The following DCC variants were observed in gnomAD, a reference collection of about 807,000 sequenced individuals.
DCC encodes the protein netrin receptor DCC.
DCC carries 58 observed loss-of-function variants against 172.5 expected under a neutral mutation model. The observed-to-expected ratio is 0.34, with a 90% CI of 0.27 to 0.42. The LOEUF is 0.42. Among genes scored for constraint, DCC ranks in the 10% least tolerant of loss-of-function variants. DCC has a pLI of 1.00. For synonymous variants in DCC, 709 were observed against 644.5 expected (o/e 1.10, Z -1.52); for missense variants, 1,740 against 1,791.0 (o/e 0.97, Z 0.51).
intron 1 of DCC, among the ~76,000 whole-genome samples, chr18:52,563,301 A>C (rs1400730541): frequency 6.6e-6 from 1 of 152,170 alleles, no homozygotes; most frequent in Non-Finnish European, 1.5e-5. Flanking sequence ...CATAGGTATT[A>C]GAAGAAATAA....
At chr18:53,334,758 A>G (rs1161099664) in intron 14 of DCC, among the ~76,000 whole-genome samples, 1 of 152,222 alleles carries the variant, frequency 6.6e-6, no homozygotes, top group Non-Finnish European at 1.5e-5. Context: ...TGTCTCAAAA[A>G]TTCAATTGTT....
intron 2 of DCC, among the ~76,000 whole-genome samples, chr18:52,766,185 C>G (rs879922198): frequency 6.6e-6 from 1 of 152,168 alleles, no homozygotes; most frequent in African/African-American, 2.4e-5. Flanking sequence ...AGCGCACAAG[C>G]GAGCAGGTAC....
chr18:53,212,929 C>G (rs1353824359), intron 11 of DCC, among the ~76,000 whole-genome samples: 1 of 152,106 alleles, frequency 6.6e-6, no homozygotes, highest in Admixed American at 6.5e-5. Flanking sequence ...CCCTCGGGCT[C>G]CCAAAGTGCT....
intron 1 of DCC, among the ~76,000 whole-genome samples, chr18:52,403,841 C>T (rs1986533636): frequency 6.6e-6 from 1 of 152,016 alleles, no homozygotes; most frequent in African/African-American, 2.4e-5. Flanking sequence ...CTCTTAAAAG[C>T]AGGCCTTCTT....
intron 2 of DCC, among the ~76,000 whole-genome samples, chr18:52,827,402 T>C (rs1019735055): frequency 1.8e-4 from 27 of 152,218 alleles, no homozygotes; most frequent in African/African-American, 6.5e-4. Flanking sequence ...CTAGCATTAA[T>C]TTGTGAATTT....
At chr18:53,109,469 T>C (rs763319130) in intron 7 of DCC, among the ~76,000 whole-genome samples, 2 of 151,620 alleles carry the variant, frequency 1.3e-5, no homozygotes, top group African/African-American at 2.4e-5. Flanking sequence ...TTGCCAATCT[T>C]GTATTAGATT....
intron 1 of DCC, among the ~76,000 whole-genome samples, chr18:52,388,799 T>A (rs1273148823): frequency 6.6e-6 from 1 of 152,062 alleles, no homozygotes; most frequent in Non-Finnish European, 1.5e-5. Context: ...TTTCCAGGCA[T>A]GGTCAGGTCA....
At chr18:53,340,977 C>T (rs564308221) in intron 15 of DCC, among the ~76,000 whole-genome samples, 37 of 152,264 alleles carry the variant, frequency 2.4e-4, no homozygotes, top group Admixed American at 3.3e-4. Flanking sequence ...TTGCACTGAC[C>T]CATTCTCTCT....
chr18:53,507,199 A>G (rs1311660313), intron 27 of DCC, among the ~76,000 whole-genome samples: 4 of 152,226 alleles, frequency 2.6e-5, no homozygotes, highest in Admixed American at 6.5e-5. Flanking sequence ...AAGTTCTTCA[A>G]TGAGCATCAA....
At chr18:52,881,778 T>C (rs2039489072) in intron 2 of DCC, among the ~76,000 whole-genome samples, 1 of 152,120 alleles carries the variant, frequency 6.6e-6, no homozygotes, top group Non-Finnish European at 1.5e-5. Flanking sequence ...CAGATTTGGC[T>C]ATTTGGGGTC....
intron 13 of DCC, 22 bp from the exon 14 acceptor site, chr18:53,322,025 C>A (rs370913930): frequency 2.5e-5 from 34 of 1,357,242 alleles, no homozygotes; most frequent in South Asian, 8.1e-5. Flanking sequence ...TTTCTTCCCC[C>A]CTGTGGAAAA....
At chr18:53,468,359 T>TTTATTTA (rs1391253541) in intron 25 of DCC, among the ~76,000 whole-genome samples, 8 of 27,470 alleles carry the variant, frequency 2.9e-4, no homozygotes, top group African/African-American at 8.3e-4. Flanking sequence ...TATTTATTTA[T>TTTATTTA]TTATTTTATT....
At chr18:52,868,053 A>ATATATATGTG (rs61579666) in intron 2 of DCC, among the ~76,000 whole-genome samples, 4 of 144,326 alleles carry the variant, frequency 2.8e-5, no homozygotes, top group African/African-American at 1.0e-4. Flanking sequence ...ATATATATAT[A>ATATATATGTG]TGTGTGTGTG....
At chr18:52,370,730 G>GA (rs1223309632) in intron 1 of DCC, among the ~76,000 whole-genome samples, 1 of 151,716 alleles carries the variant, frequency 6.6e-6, no homozygotes, top group Non-Finnish European at 1.5e-5. Context: ...AAAAGTTAAA[G>GA]AAAAAAACAT....
intron 16 of DCC, among the ~76,000 whole-genome samples, chr18:53,390,264 T>C (rs1396140902): frequency 2.9e-5 from 3 of 102,632 alleles, no homozygotes; most frequent in Non-Finnish European, 7.6e-5. Context: ...TCTCTCTCTC[T>C]CCTTTTATTT....
intron 1 of DCC, among the ~76,000 whole-genome samples, chr18:52,550,318 G>A (rs192382367): frequency 2.4e-4 from 37 of 151,930 alleles, no homozygotes; most frequent in Admixed American, 2.3e-3. Flanking sequence ...GGGATTAAAT[G>A]TAACGTGGTC....
intron 1 of DCC, among the ~76,000 whole-genome samples, chr18:52,429,900 A>G (rs893554863): frequency 1.1e-4 from 17 of 152,126 alleles, no homozygotes; most frequent in African/African-American, 4.1e-4. Flanking sequence ...TGGGTAAGGT[A>G]TTGGGGCTAC....
chr18:52,771,768 C>T (rs2037347849), intron 2 of DCC, among the ~76,000 whole-genome samples: 1 of 151,320 alleles, frequency 6.6e-6, no homozygotes, highest in South Asian at 2.1e-4. Context: ...TTGCCCCCTC[C>T]ACACACCTTC....
At chr18:53,492,301 G>A (rs1424741476) in intron 26 of DCC, among the ~76,000 whole-genome samples, 1 of 151,454 alleles carries the variant, frequency 6.6e-6, no homozygotes. Context: ...TTGTGCAGAA[G>A]ATCTTTAATT....
Sources: gnomAD v4.1 joint callset for allele counts (sites outside exome capture counted in the v4.1 genomes callset) on GRCh38, gnomAD v4.1.1 for gene constraint, MANE v1.5 for transcripts, NCBI Gene and HGNC (gene_info 2026-07-23, HGNC 2026-07-21) for gene names.